Variants in BTN3A2 observed in about 807,000 individuals in gnomAD.
The protein encoded by BTN3A2 is butyrophilin protein.
Under a neutral mutation model 37.6 loss-of-function variants are expected in BTN3A2, and 25 were observed. That is an observed-to-expected ratio of 0.66 (90% CI 0.48 to 0.93). BTN3A2 has a LOEUF of 0.93. BTN3A2 is among the 40% of genes least tolerant of loss of function. The probability of loss-of-function intolerance (pLI) is 0.00; values close to 1 mark genes in which losing one functional copy is unlikely to be tolerated. For synonymous variants in BTN3A2, 122 were observed against 159.4 expected, an observed-to-expected ratio of 0.77 and a Z score of 1.77; for missense variants, 266 against 410.9, an observed-to-expected ratio of 0.65 and a Z score of 3.05.
chr6:26,376,278 GAATCAATGT>G lies in BTN3A2; in HGVS notation c.*517_*525del, dbSNP rs1760710452. 5.2e-6 allele frequency: 1 copy of G among 192,176 alleles called. No homozygotes were observed. Among genetic ancestry groups the G allele is most frequent in the Admixed American group, 5.4e-5 (1 of 18,560 alleles). The allele number at this position is 192,176 out of a possible 1,614,324, so 11.9% of individuals were successfully genotyped here. A position where few individuals can be genotyped will look rare whatever the true frequency, so the allele number is the denominator to read the frequency against. On this transcript the variant is annotated 3_prime_UTR_variant, in exon 11 of 11. Coordinates refer to ENST00000377708, the MANE Select transcript of BTN3A2 (RefSeq NM_007047.5). The stretch of plus-strand genomic sequence containing the variant: ...TCTGAGTATAAAGCATCAGTGGGCA[GAATCAATGT>G]GGGGAGGGAAACAACAAAAATGTAG...
At chr6:26,370,194 A>T (rs1489033944) in intron 4 of BTN3A2, 128 bp from the exon 5 acceptor site, 4 of 1,273,466 alleles carry the variant, frequency 3.1e-6, no homozygotes, top group Non-Finnish European at 4.3e-6. Context: ...TCATGACCAC[A>T]CTTTTGTAAA....
chr6:26,370,162 A>T (rs1240347419), intron 4 of BTN3A2, among the ~76,000 whole-genome samples, 160 bp from the exon 5 acceptor site: 1 of 152,176 alleles, frequency 6.6e-6, no homozygotes, highest in East Asian at 1.9e-4. Flanking sequence ...ATACTGCACT[A>T]GCAAATTTAG....
intron 9 of BTN3A2, 181 bp downstream of exon 9, chr6:26,374,554 C>A: frequency 3.5e-6 from 3 of 846,530 alleles, no homozygotes; most frequent in Non-Finnish European, 5.6e-6. Flanking sequence ...CCTTGTAAAG[C>A]CTGGCCATGC....
chr6:26,373,863 C>A (rs1250095666), intron 8 of BTN3A2: 4 of 179,146 alleles, frequency 2.2e-5, no homozygotes, highest in African/African-American at 4.7e-5. Flanking sequence ...AGAGGAGTAG[C>A]TACAGTGGCT....
Position 26,376,784 on chromosome 6 carries a change from G to A in BTN3A2, c.*1022G>A. ...GGGACAGAAAAGAGTGGCATATTGGGGTATGTAGTAAGAACGTGGAGAGGA... is the reference window on the plus strand; with the variant it reads ...GGGACAGAAAAGAGTGGCATATTGGAGTATGTAGTAAGAACGTGGAGAGGA... On this transcript the variant is annotated 3_prime_UTR_variant, in exon 11 of 11. Transcript: ENST00000377708. 6.2e-7 allele frequency: 1 copy of A among 1,611,894 alleles called. No homozygotes were observed. Among genetic ancestry groups the A allele is most frequent in the Non-Finnish European group, 8.5e-7 (1 of 1,178,154 alleles).
intron 8 of BTN3A2, 47 bp from the exon 9 acceptor site, chr6:26,374,280 A>T (rs1009674023): frequency 9.7e-6 from 15 of 1,542,262 alleles, no homozygotes; most frequent in Non-Finnish European, 1.3e-5. Flanking sequence ...GGGCCAACAC[A>T]GAAAAGGCAG....
intron 1 of BTN3A2, among the ~76,000 whole-genome samples, chr6:26,367,326 T>A (rs1759611378): frequency 6.6e-6 from 1 of 152,234 alleles, no homozygotes. Context: ...CCACAGAGGC[T>A]TCTCTCTGCA....
At chr6:26,374,263 G>T in intron 8 of BTN3A2, 64 bp from the exon 9 acceptor site, 3 of 1,053,018 alleles carry the variant, frequency 2.8e-6, no homozygotes, top group Non-Finnish European at 4.1e-6. Flanking sequence ...GCAAAAAGAA[G>T]GGGAAGGGGC....
At chr6:26,371,312 C>G (rs1333119687) in intron 5 of BTN3A2, among the ~76,000 whole-genome samples, 1 of 151,888 alleles carries the variant, frequency 6.6e-6, no homozygotes. Context: ...AAAATGTTAA[C>G]AAAGCCCATG....
chr6:26,365,202 C>G lies in BTN3A2; in HGVS notation c.-217C>G. ...AAACTAATTCTTCCAAAGAGCGACT[C>G]TTACTGTTTCTCATGGTGAGAAGAC... On this transcript the variant is annotated 5_prime_UTR_variant, in exon 1 of 11. Coordinates refer to ENST00000377708, the MANE Select transcript of BTN3A2 (RefSeq NM_007047.5). The G allele has an allele frequency of 1.8e-6, 2 of 1,140,998 alleles. No homozygotes were observed. The highest frequency in any genetic ancestry group is 2.5e-6 in the Non-Finnish European group (2 of 807,596). The allele number at this position is 1,140,998 out of a possible 1,614,324, so 70.7% of individuals were successfully genotyped here.
chr6:26,374,403 A>T (rs1030984048), intron 9 of BTN3A2, 30 bp downstream of exon 9: 1 of 1,602,426 alleles, frequency 6.2e-7, no homozygotes, highest in African/African-American at 1.3e-5. Flanking sequence ...TGCCCTGAAT[A>T]TTTCAACTTT....
intron 5 of BTN3A2, 94 bp from the exon 6 acceptor site, chr6:26,372,803 C>G (rs1157093299): frequency 6.8e-7 from 1 of 1,469,400 alleles, no homozygotes; most frequent in Admixed American, 1.9e-5. Context: ...ATTCCCCACC[C>G]CCGACCTGAG....
At chr6:26,370,876 T>A (rs1467781304) in intron 5 of BTN3A2, among the ~76,000 whole-genome samples, 1 of 152,184 alleles carries the variant, frequency 6.6e-6, no homozygotes, top group East Asian at 1.9e-4. Flanking sequence ...TTATATAATG[T>A]GAAATGACAA....
rs1760744658 is a variant in BTN3A2, at chr6:26,376,844, A to T, written c.*1082A>T. 1 of 1,614,008 alleles carries T rather than the reference A, an allele frequency of 6.2e-7. No homozygotes were observed. Among genetic ancestry groups the T allele is most frequent in the East Asian group, 2.2e-5 (1 of 44,878 alleles). The stretch of plus-strand genomic sequence containing the variant: ...GGGTCAAAATGACACCGGAGAACGG[A>T]TACTGGACTATGGGCCTGACTGATG... On this transcript the variant is annotated 3_prime_UTR_variant, in exon 11 of 11. Transcript: ENST00000377708.
rs1760799247 is a variant in BTN3A2 at position 26,377,868 on chromosome 6, T to C, written c.*2106T>C. ...GGATTGGCTCTGCAGAGTGTCTTGG[T>C]TGAGAGAATAACGTTGCAGTTCCCA... is the stretch of plus-strand genomic sequence containing the variant. On this transcript the variant is annotated 3_prime_UTR_variant, in exon 11 of 11. Transcript: ENST00000377708. 6.5e-6 allele frequency: 1 copy of C among 153,170 alleles called. No homozygotes were observed. Among genetic ancestry groups the C allele is most frequent in the Non-Finnish European group, 1.5e-5 (1 of 68,796 alleles). The allele number at this position is 153,170 out of a possible 1,614,324, so 9.5% of individuals were successfully genotyped here. A position where few individuals can be genotyped will look rare whatever the true frequency, so the allele number is the denominator to read the frequency against.
In BTN3A2 at chr6:26,368,181, A is replaced by G; in HGVS notation, c.-2A>G. ...TCTGGTATCTCTTGATATGCAGCAT[A>G]GATGAAAATGGCAAGTTCCCTGGCT... On this transcript the variant is annotated 5_prime_UTR_variant, in exon 3 of 11. It adds an upstream start codon to the 5' untranslated region. Transcript: ENST00000377708. 6.2e-7 allele frequency: 1 copy of G among 1,614,176 alleles called. No individual in the cohort carries two copies. Among genetic ancestry groups the G allele is most frequent in the Non-Finnish European group, 8.5e-7 (1 of 1,180,020 alleles).
At chr6:26,375,411 GTC>G in intron 10 of BTN3A2, 1 of 451,596 alleles carries the variant, frequency 2.2e-6, no homozygotes, top group Non-Finnish European at 4.1e-6. Flanking sequence ...CCTGAGAAGA[GTC>G]CTCGGGCCTT....
chr6:26,374,070 C>A, intron 8 of BTN3A2: 1 of 442,934 alleles, frequency 2.3e-6, no homozygotes, highest in South Asian at 3.4e-5. Flanking sequence ...GAGCTGGACC[C>A]CATTGGGAAG....
In BTN3A2 at chr6:26,374,323, G is replaced by C. The variant is rs1760483392; in HGVS notation, c.965-4G>C. 1 of 1,601,692 alleles carries C rather than the reference G, an allele frequency of 6.2e-7. No individual in the cohort carries two copies. Among genetic ancestry groups the C allele is most frequent in the Non-Finnish European group, 8.5e-7 (1 of 1,173,872 alleles). On this transcript the variant is annotated splice_region_variant and splice_polypyrimidine_tract_variant and intron_variant, in intron 8 of 10. Coordinates refer to ENST00000377708, the MANE Select transcript of BTN3A2 (RefSeq NM_007047.5). ...GTGACACCTCTACCTTTCTTTCATT[G>C]TAGGTGGAGAGGAGTCTTCGTCCGA...
Sources: gnomAD v4.1 joint callset for allele counts (sites outside exome capture counted in the v4.1 genomes callset) on GRCh38, gnomAD v4.1.1 for gene constraint, MANE v1.5 for transcripts, NCBI Gene and HGNC (gene_info 2026-07-23, HGNC 2026-07-21) for gene names.